The following ABCA13 variants were observed in gnomAD, a reference collection of about 807,000 sequenced individuals.
ABCA13 encodes ATP-binding cassette sub-family A member 13.
In ABCA13, 476 loss-of-function variants were observed where a neutral mutation model predicts 478.7. That is an observed-to-expected ratio of 0.99 (90% CI 0.92 to 1.07). The LOEUF (loss-of-function observed/expected upper bound fraction) is 1.07, where lower values mean the gene tolerates loss of function less well. Ranked by LOEUF, ABCA13 falls within the 50% of genes least tolerant of loss-of-function variation. The pLI, the probability that ABCA13 is intolerant of heterozygous loss-of-function variation, is 0.00. For synonymous variants in ABCA13, 2,252 were observed against 2,158.9 expected, an observed-to-expected ratio of 1.04 and a Z score of -1.20; for missense variants, 6,060 against 5,910.6, an observed-to-expected ratio of 1.03 and a Z score of -0.83.
Position 48,509,839 on chromosome 7 carries a change from G to A in ABCA13, c.13525-1245G>A, listed in dbSNP as rs1400369648. ...GAGAGATAATTAGGTTCTGAGAATG[G>A]AGCCCTCCTGAATGGGATTAATGGC... On this transcript the variant is annotated intron_variant, in intron 50 of 61. Transcript: ENST00000435803. Among the ~76,000 whole-genome samples, 3 of 152,182 alleles carry A rather than the reference G, an allele frequency of 2.0e-5. No individual in the cohort carries two copies. In the East Asian group the frequency reaches 5.8e-4, roughly 29 times the overall value.
chr7:48,303,752 G>A (rs1341835338), intron 23 of ABCA13, among the ~76,000 whole-genome samples: 2 of 152,076 alleles, frequency 1.3e-5, no homozygotes, highest in Non-Finnish European at 2.9e-5. Context: ...TTCTTTCAAG[G>A]TGTTTTTTGA....
intron 35 of ABCA13, among the ~76,000 whole-genome samples, chr7:48,382,020 C>G (rs1349546537): frequency 6.6e-6 from 1 of 152,194 alleles, no homozygotes; most frequent in Non-Finnish European, 1.5e-5. Flanking sequence ...AAAGTCCAGA[C>G]AGATTATGGC....
intron 38 of ABCA13, 143 bp from the exon 39 acceptor site, chr7:48,403,540 C>T (rs1366806477): frequency 3.1e-5 from 25 of 808,100 alleles, no homozygotes; most frequent in Middle Eastern, 2.3e-4. Flanking sequence ...GTGAGACTCA[C>T]GTGTGTGTAG....
chr7:48,281,537 C>G, intron 19 of ABCA13, 85 bp downstream of exon 19: 1 of 1,189,234 alleles, frequency 8.4e-7, no homozygotes. Flanking sequence ...GTATATTGCA[C>G]TTGAGTTTCT....
intron 20 of ABCA13, among the ~76,000 whole-genome samples, chr7:48,292,250 A>C (rs1479106698): frequency 2.0e-5 from 3 of 152,008 alleles, no homozygotes; most frequent in Non-Finnish European, 2.9e-5. Flanking sequence ...TCTTTCCCTC[A>C]GATGCCAGGG....
intron 43 of ABCA13, among the ~76,000 whole-genome samples, chr7:48,456,266 G>A (rs939578514): frequency 1.3e-5 from 2 of 152,270 alleles, no homozygotes; most frequent in Non-Finnish European, 2.9e-5. Context: ...TAATCTCTAA[G>A]AGCCTACTAA....
chr7:48,637,381 C>CAAAAAAAAAAAAACAAAAAAAAA (rs1794733186), intron 59 of ABCA13, among the ~76,000 whole-genome samples: 1 of 20,258 alleles, frequency 4.9e-5, no homozygotes, highest in Non-Finnish European at 8.6e-5. Flanking sequence ...GTTCATAAAG[C>CAAAAAAAAAAAAACAAAAAAAAA]AAAAAAAAAA....
intron 8 of ABCA13, among the ~76,000 whole-genome samples, chr7:48,235,132 A>G (rs1286440381): frequency 6.6e-6 from 1 of 152,076 alleles, no homozygotes; most frequent in Non-Finnish European, 1.5e-5. Context: ...ACCCAGTTCT[A>G]CCAGGTAGGT....
intron 39 of ABCA13, among the ~76,000 whole-genome samples, chr7:48,405,551 G>T (rs934171415): frequency 1.3e-5 from 2 of 152,198 alleles, no homozygotes; most frequent in Non-Finnish European, 2.9e-5. Context: ...AACAATTTGC[G>T]CACTACCCTG....
chr7:48,455,230 C>T lies in ABCA13; in HGVS notation c.12759C>T (p.Tyr4253=), dbSNP rs1286818386. 1 of 1,603,924 alleles carries T rather than the reference C, an allele frequency of 6.2e-7. No individual in the cohort carries two copies. The highest frequency in any genetic ancestry group is 1.3e-5 in the African/African-American group (1 of 74,646). Residue 4253 remains tyrosine, a synonymous_variant, in exon 43 of 62, where the codon TAC becomes TAT. Coordinates refer to ENST00000435803, the MANE Select transcript of ABCA13 (RefSeq NM_152701.5). ...TGGTGAGACCCCTGGCCACCGAGTA[C>T]CCTCCCCTCAGACTCACACCTGGAC... ...LFMVRPLATE[Y]PPLRLTPGHY...
intron 59 of ABCA13, among the ~76,000 whole-genome samples, chr7:48,641,016 G>A (rs1795065692): frequency 1.3e-5 from 2 of 151,934 alleles, no homozygotes; most frequent in South Asian, 4.1e-4. Flanking sequence ...CGTAATTCAT[G>A]TTCTTCACAG....
At chr7:48,379,723 G>T (rs1020390062) in intron 35 of ABCA13, among the ~76,000 whole-genome samples, 1 of 152,164 alleles carries the variant, frequency 6.6e-6, no homozygotes, top group African/African-American at 2.4e-5. Flanking sequence ...ATTGGTATGT[G>T]ATTATAAAGA....
chr7:48,174,794 G>A (rs1267344860), intron 1 of ABCA13, among the ~76,000 whole-genome samples: 4 of 151,862 alleles, frequency 2.6e-5, no homozygotes, highest in African/African-American at 9.7e-5. Flanking sequence ...ACTTTATATT[G>A]AAGCCTAACA....
chr7:48,445,862 C>A (rs376403506), intron 42 of ABCA13, among the ~76,000 whole-genome samples: 1 of 151,976 alleles, frequency 6.6e-6, no homozygotes, highest in African/African-American at 2.4e-5. Flanking sequence ...ACTAACAGAC[C>A]AGCTGAATGA....
In ABCA13 at chr7:48,571,185, G is replaced by A. The variant is rs145377268; in HGVS notation, c.14355-9039G>A. 2.4e-3 allele frequency among the ~76,000 whole-genome samples: 364 copies of A among 152,210 alleles called. 11 individuals are homozygous for A. The East Asian group carries it at 0.063, about 27-fold the overall frequency. On this transcript the variant is annotated intron_variant, in intron 55 of 61. Coordinates refer to ENST00000435803, the MANE Select transcript of ABCA13 (RefSeq NM_152701.5). ...TTTTAAATTATTCTATTATGGAAAT[G>A]CATTTAACTAAAACAGAAAAAGGAA... is the stretch of plus-strand genomic sequence containing the variant.
chr7:48,178,681 TA>T (rs982637462), intron 1 of ABCA13, among the ~76,000 whole-genome samples: 1 of 117,544 alleles, frequency 8.5e-6, no homozygotes, highest in African/African-American at 3.2e-5. Flanking sequence ...CTCAAAAAAA[TA>T]AAAAAAAGTA....
intron 51 of ABCA13, 55 bp downstream of exon 51, chr7:48,511,254 A>C: frequency 6.9e-7 from 1 of 1,446,160 alleles, no homozygotes; most frequent in Non-Finnish European, 9.5e-7. Context: ...GAAAGAGAAA[A>C]CCCTCAGGAT....
At chr7:48,440,262 C>G (rs563813572) in intron 42 of ABCA13, among the ~76,000 whole-genome samples, 1 of 152,116 alleles carries the variant, frequency 6.6e-6, no homozygotes, top group African/African-American at 2.4e-5. Flanking sequence ...GGCACCCTCA[C>G]ATCCTCTCCA....
At position 48,198,339 on chromosome 7, in the gene ABCA13, G is replaced by GA; in HGVS notation, c.266_267insA (p.Ser90ValfsTer10). ...AGGTGTAGGAACTTCAGCTATGAAGGGTCAATGGAGCATCATTTTCGGTAA... is the reference window on the plus strand; with the variant it reads ...AGGTGTAGGAACTTCAGCTATGAAGGAGTCAATGGAGCATCATTTTCGGTAA... On this transcript the variant is annotated frameshift_variant, in exon 3 of 62. Coordinates refer to ENST00000435803, the MANE Select transcript of ABCA13 (RefSeq NM_152701.5). LOFTEE classifies it high-confidence loss of function. 1 of 1,613,522 alleles carries GA rather than the reference G, an allele frequency of 6.2e-7. No homozygotes were observed. The highest frequency in any genetic ancestry group is 8.5e-7 in the Non-Finnish European group (1 of 1,179,766).
Sources: gnomAD v4.1 joint callset for allele counts (sites outside exome capture counted in the v4.1 genomes callset) on GRCh38, gnomAD v4.1.1 for gene constraint, MANE v1.5 for transcripts, NCBI Gene and HGNC (gene_info 2026-07-23, HGNC 2026-07-21) for gene names.